MAPK10: variants seen among roughly 807,000 people sequenced by gnomAD.
MAPK10 encodes mitogen-activated protein kinase 10, also known as JNK3 alpha protein kinase.
A neutral mutation model predicts 59.3 loss-of-function variants in MAPK10; 25 were observed. The ratio of observed to expected loss-of-function variants is 0.42; its 90% CI spans 0.31 to 0.59. The LOEUF (loss-of-function observed/expected upper bound fraction) is 0.59. Ranked by LOEUF, MAPK10 falls within the 20% of genes least tolerant of loss-of-function variation. The pLI is 0.15. For missense variants in MAPK10, 351 were observed against 568.9 expected (o/e 0.62, Z 3.90); for synonymous variants, 190 against 200.5 (o/e 0.95, Z 0.44).
In MAPK10 at chr4:86,016,406, AT is replaced by A. The variant is rs1743322190; in HGVS notation, c.*821del. 6.6e-6 allele frequency: 1 copy of A among 152,540 alleles called. No homozygotes were observed. The highest frequency in any genetic ancestry group is 2.4e-5 in the African/African-American group (1 of 41,388). 9.4% of individuals were successfully genotyped at this position (152,540 alleles called of 1,614,324 possible). A position where few individuals can be genotyped will look rare whatever the true frequency, so the allele number is the denominator to read the frequency against. Reference sequence around the variant, plus strand: ...ACACCTGCCTTCAGAAGGCCAAACCATTTTGTGCCTGAAAACTGTTACCCAC... The same window carrying A: ...ACACCTGCCTTCAGAAGGCCAAACCATTTGTGCCTGAAAACTGTTACCCAC... On this transcript the variant is annotated 3_prime_UTR_variant, in exon 14 of 14. Transcript: ENST00000641462.
At chr4:86,052,119 T>G (rs995272795) in intron 11 of MAPK10, among the ~76,000 whole-genome samples, 1 of 152,140 alleles carries the variant, frequency 6.6e-6, no homozygotes, top group African/African-American at 2.4e-5. Context: ...TAATAAAAAT[T>G]GAAAGCATAA....
At chr4:86,124,191 G>A (rs1490570263) in intron 4 of MAPK10, 2 of 151,932 alleles carry the variant, frequency 1.3e-5, no homozygotes, top group Non-Finnish European at 2.9e-5. Context: ...AATGTATGGA[G>A]TAGAAATGGA....
At chr4:86,139,651 A>T (rs1475262008) in intron 4 of MAPK10, among the ~76,000 whole-genome samples, 2 of 152,244 alleles carry the variant, frequency 1.3e-5, no homozygotes, top group Non-Finnish European at 2.9e-5. Flanking sequence ...AAACATCAAA[A>T]GCAATGGCAA....
intron 1 of MAPK10, among the ~76,000 whole-genome samples, chr4:86,509,713 T>C (rs1756069071): frequency 6.6e-6 from 1 of 152,180 alleles, no homozygotes; most frequent in Non-Finnish European, 1.5e-5. Context: ...ATGCTTTACC[T>C]AAAAATTTTG....
At position 86,541,430 on chromosome 4, in the gene MAPK10, G is replaced by C. The variant is rs567101803; in HGVS notation, c.-263+52480C>G. On this transcript the variant is annotated intron_variant, in intron 1 of 4. Transcript: ENST00000502302. ...ACCAGATATGCCTTCCTTGCAGCAG[G>C]GTGGTAGCGTGAGCTTTTTCTATTC... is the stretch of plus-strand genomic sequence containing the variant. 6.6e-5 allele frequency among the ~76,000 whole-genome samples: 10 copies of C among 152,276 alleles called. 1 individual carries two copies. In the East Asian group the frequency reaches 1.9e-3, roughly 29 times the overall value.
At position 86,064,323 on chromosome 4, in the gene MAPK10, G is replaced by A. The variant is rs116053658; in HGVS notation, c.1053C>T (p.Asp351=). 9.4e-4 allele frequency: 1,513 copies of A among 1,614,092 alleles called. 10 individuals are homozygous for A. The African/African-American group carries it at 0.017, about 18-fold the overall frequency. ...TGATGTAGGGATGCTGTAAGGCGTC[G>A]TCCACTGATATTCTTTTTGCTGGGT... The part of the protein sequence containing the change: ...VIDPAKRISV[D]DALQHPYINV... Residue 351 remains aspartate, a synonymous_variant, in exon 11 of 14, where the codon GAC becomes GAT. Transcript: ENST00000641462.
At chr4:86,358,080 C>T (rs1326956540) in intron 1 of MAPK10, 3 of 985,152 alleles carry the variant, frequency 3.0e-6, no homozygotes, top group Non-Finnish European at 3.6e-6. Context: ...GAAATACATA[C>T]CAGAGGCAGC....
At chr4:86,020,048 T>A (rs542318540) in intron 13 of MAPK10, among the ~76,000 whole-genome samples, 1 of 152,328 alleles carries the variant, frequency 6.6e-6, no homozygotes, top group South Asian at 2.1e-4. Context: ...TTTTGCAGCA[T>A]TTCATCATCC....
At chr4:86,314,561 T>A (rs2095738996) in intron 2 of MAPK10, among the ~76,000 whole-genome samples, 1 of 152,120 alleles carries the variant, frequency 6.6e-6, no homozygotes, top group African/African-American at 2.4e-5. Flanking sequence ...TAAACCTCTT[T>A]TTCTTCCCAG....
At chr4:86,146,678 C>G (rs2065088976) in intron 4 of MAPK10, among the ~76,000 whole-genome samples, 1 of 152,214 alleles carries the variant, frequency 6.6e-6, no homozygotes, top group Non-Finnish European at 1.5e-5. Context: ...TCATCAGTCT[C>G]TCTCCTCAGC....
chr4:86,142,956 C>T (rs1361652737), intron 4 of MAPK10, among the ~76,000 whole-genome samples: 1 of 152,176 alleles, frequency 6.6e-6, no homozygotes, highest in Non-Finnish European at 1.5e-5. Flanking sequence ...TAGGTCATAT[C>T]TGTATTAGTC....
chr4:86,028,208 G>A (rs527827692), intron 13 of MAPK10: 2 of 152,184 alleles, frequency 1.3e-5, no homozygotes, highest in African/African-American at 2.4e-5. Context: ...ATCTGTATGC[G>A]AGGGTGAATG....
intron 2 of MAPK10, among the ~76,000 whole-genome samples, chr4:86,216,862 A>G (rs966950653): frequency 6.6e-6 from 1 of 152,162 alleles, no homozygotes; most frequent in African/African-American, 2.4e-5. Flanking sequence ...AAATATGCAC[A>G]TTAATAACTC....
chr4:86,313,891 A>C (rs181481460), intron 2 of MAPK10, among the ~76,000 whole-genome samples: 1 of 152,250 alleles, frequency 6.6e-6, no homozygotes, highest in Non-Finnish European at 1.5e-5. Context: ...CTGAAAGTCA[A>C]GTGCAAGAAC....
chr4:86,091,972 C>T (rs1343030961), intron 9 of MAPK10, among the ~76,000 whole-genome samples: 1 of 151,998 alleles, frequency 6.6e-6, no homozygotes, highest in Admixed American at 6.6e-5. Flanking sequence ...ATGCCTGGCC[C>T]AGTTGTTGAT....
intron 3 of MAPK10, among the ~76,000 whole-genome samples, chr4:86,159,796 C>T (rs1220673489): frequency 6.6e-6 from 1 of 151,884 alleles, no homozygotes; most frequent in African/African-American, 2.4e-5. Context: ...ACTGAACATG[C>T]ATTGGTCTCA....
intron 1 of MAPK10, among the ~76,000 whole-genome samples, chr4:86,547,629 T>C (rs1163083656): frequency 1.3e-5 from 2 of 152,192 alleles, no homozygotes; most frequent in African/African-American, 4.8e-5. Context: ...ACCCAAGGGC[T>C]GAGGAATGCC....
At chr4:86,315,007 A>C (rs1054005238) in intron 2 of MAPK10, among the ~76,000 whole-genome samples, 1 of 152,190 alleles carries the variant, frequency 6.6e-6, no homozygotes, top group African/African-American at 2.4e-5. Flanking sequence ...ATACTTTTAA[A>C]AAATTCTAAT....
At chr4:86,023,852 A>ATATATATATAG (rs1560633949) in intron 13 of MAPK10, 5 of 98,486 alleles carry the variant, frequency 5.1e-5, no homozygotes, top group Non-Finnish European at 7.9e-5. Context: ...TATATATATA[A>ATATATATATAG]AATGAATGTT....
Sources: allele counts gnomAD v4.1 joint callset (sites outside exome capture counted in the v4.1 genomes callset), GRCh38; gene constraint gnomAD v4.1.1; transcripts MANE v1.5; gene names NCBI Gene and HGNC (gene_info 2026-07-23, HGNC 2026-07-21).